Variants in JAK1 observed in about 807,000 individuals in gnomAD.
JAK1 encodes Janus kinase 1.
JAK1 carries 16 observed loss-of-function variants against 136.6 expected under a neutral mutation model. That is an observed-to-expected ratio of 0.12 (90% CI 0.08 to 0.18). The LOEUF is 0.18. Among genes scored for constraint, JAK1 ranks in the 10% least tolerant of loss-of-function variants. The probability of loss-of-function intolerance (pLI) is 1.00; values close to 1 mark genes in which losing one functional copy is unlikely to be tolerated. For synonymous variants in JAK1, 492 were observed against 519.5 expected, an observed-to-expected ratio of 0.95 and a Z score of 0.72; for missense variants, 859 against 1,450.1, an observed-to-expected ratio of 0.59 and a Z score of 6.62.
At chr1:64,991,299 G>C (rs1646655031) in intron 2 of JAK1, 1 of 152,216 alleles carries the variant, frequency 6.6e-6, no homozygotes, top group Admixed American at 6.5e-5. Context: ...TTTTCTCACA[G>C]TTCTGGAAGC....
At chr1:64,868,344 AT>A (rs1256634811) in intron 6 of JAK1, among the ~76,000 whole-genome samples, 8 of 152,210 alleles carry the variant, frequency 5.3e-5, no homozygotes, top group African/African-American at 1.9e-4. Flanking sequence ...GCCCCGGGTC[AT>A]CCCTGCCGCA....
intron 20 of JAK1, among the ~76,000 whole-genome samples, chr1:64,839,129 G>A (rs1239127025): frequency 8.5e-6 from 1 of 117,266 alleles, no homozygotes; most frequent in African/African-American, 3.6e-5. Context: ...CTGGGCCACA[G>A]AGCGAGACTC....
intron 21 of JAK1, 23 bp from the exon 22 acceptor site, chr1:64,838,127 A>G (rs148538319): frequency 6.2e-7 from 1 of 1,601,306 alleles, no homozygotes; most frequent in African/African-American, 1.3e-5. Flanking sequence ...AGTAAAAGTC[A>G]AGCACATTGC....
intron 2 of JAK1, among the ~76,000 whole-genome samples, chr1:64,975,322 G>A (rs1368676946): frequency 6.6e-6 from 1 of 152,216 alleles, no homozygotes; most frequent in Admixed American, 6.5e-5. Flanking sequence ...GCCCAGCTCT[G>A]TGCAAACATG....
intron 1 of JAK1, among the ~76,000 whole-genome samples, chr1:65,064,805 ATC>A (rs1647969217): frequency 6.6e-6 from 1 of 152,138 alleles, no homozygotes; most frequent in Non-Finnish European, 1.5e-5. Flanking sequence ...AACCTTCTCT[ATC>A]TAGAGCAGAT....
chr1:64,867,931 G>A (rs1046078568), intron 6 of JAK1, among the ~76,000 whole-genome samples: 15 of 151,930 alleles, frequency 9.9e-5, no homozygotes, highest in South Asian at 2.1e-4. Flanking sequence ...CCAAAGTTGC[G>A]GTGAGCCAAG....
chr1:65,016,872 T>G (rs1646895884), intron 2 of JAK1, among the ~76,000 whole-genome samples: 1 of 152,134 alleles, frequency 6.6e-6, no homozygotes, highest in Admixed American at 6.6e-5. Flanking sequence ...CCCTCCAGCC[T>G]GGGCAACAGA....
intron 1 of JAK1, among the ~76,000 whole-genome samples, chr1:65,057,386 T>C (rs1380574053): frequency 6.6e-6 from 1 of 152,006 alleles, no homozygotes; most frequent in Admixed American, 6.6e-5. Context: ...AAGATGGAGG[T>C]TGAAGATGTG....
intron 2 of JAK1, among the ~76,000 whole-genome samples, chr1:65,015,018 T>C (rs1646881819): frequency 6.6e-6 from 1 of 152,120 alleles, no homozygotes; most frequent in Admixed American, 6.6e-5. Context: ...AAAAAATCTT[T>C]CAAGAATGAG....
At chr1:64,965,794 C>G (rs182643193) in intron 1 of JAK1, among the ~76,000 whole-genome samples, 1 of 152,224 alleles carries the variant, frequency 6.6e-6, no homozygotes, top group East Asian at 1.9e-4. Flanking sequence ...TTCGCGGACG[C>G]CCAACACCCA....
intron 3 of JAK1, among the ~76,000 whole-genome samples, chr1:64,881,656 T>A (rs1263633043): frequency 6.6e-6 from 1 of 152,210 alleles, no homozygotes; most frequent in African/African-American, 2.4e-5. Flanking sequence ...ACTCATTTTC[T>A]ATAAGGTAGG....
chr1:64,878,233 G>A (rs74080793), intron 4 of JAK1, among the ~76,000 whole-genome samples: 241 of 152,332 alleles, frequency 1.6e-3, no homozygotes, highest in African/African-American at 5.7e-3. Flanking sequence ...TGCTTAGCAA[G>A]TATGTAACTA....
intron 1 of JAK1, among the ~76,000 whole-genome samples, chr1:64,888,460 G>C (rs900857238): frequency 1.3e-5 from 2 of 152,198 alleles, no homozygotes; most frequent in Non-Finnish European, 2.9e-5. Flanking sequence ...GATTACAGGC[G>C]TGAGCCACCA....
intron 9 of JAK1, chr1:64,859,622 T>G (rs777913148): frequency 1.3e-5 from 2 of 152,314 alleles, no homozygotes; most frequent in Non-Finnish European, 2.9e-5. Context: ...GAGATCATCA[T>G]CTGATCTTTC....
chr1:64,891,951 C>T (rs1426857395), intron 1 of JAK1, among the ~76,000 whole-genome samples: 3 of 152,250 alleles, frequency 2.0e-5, no homozygotes, highest in Non-Finnish European at 2.9e-5. Context: ...CTCAATGGTT[C>T]GGTGCTTCGC....
At chr1:65,018,366 A>G (rs891936236) in intron 2 of JAK1, among the ~76,000 whole-genome samples, 2 of 152,148 alleles carry the variant, frequency 1.3e-5, no homozygotes, top group African/African-American at 4.8e-5. Flanking sequence ...TAGAAAAACT[A>G]TGTAACAGGA....
intron 1 of JAK1, among the ~76,000 whole-genome samples, chr1:65,049,822 C>T (rs922657816): frequency 6.6e-6 from 1 of 152,144 alleles, no homozygotes; most frequent in African/African-American, 2.4e-5. Flanking sequence ...CATTGCAAGC[C>T]CTGGGCATAG....
intron 1 of JAK1, among the ~76,000 whole-genome samples, chr1:65,052,268 C>G (rs1157561956): frequency 6.6e-6 from 1 of 151,936 alleles, no homozygotes; most frequent in Admixed American, 6.6e-5. Context: ...GCAATCTCCT[C>G]CAGTGGGAAT....
chr1:65,049,182 G>A (rs1391428131), intron 1 of JAK1, among the ~76,000 whole-genome samples: 1 of 152,182 alleles, frequency 6.6e-6, no homozygotes, highest in African/African-American at 2.4e-5. Context: ...AGTACTTTGG[G>A]AGGCTGAGGC....
Sources: gnomAD v4.1 joint callset for allele counts (sites outside exome capture counted in the v4.1 genomes callset) on GRCh38, gnomAD v4.1.1 for gene constraint, MANE v1.5 for transcripts, NCBI Gene and HGNC (gene_info 2026-07-23, HGNC 2026-07-21) for gene names.